LRRC28: variants seen among roughly 807,000 people sequenced by gnomAD.
LRRC28 encodes leucine rich repeat containing 28.
LRRC28 carries 39 observed loss-of-function variants against 45.7 expected under a neutral mutation model. The ratio of observed to expected loss-of-function variants is 0.85; its 90% CI spans 0.66 to 1.12. The LOEUF (loss-of-function observed/expected upper bound fraction) is 1.12. LRRC28 is among the 50% of genes most tolerant of loss of function. The pLI is 0.00. For synonymous variants in LRRC28, 206 were observed against 178.8 expected, an observed-to-expected ratio of 1.15 and a Z score of -1.22; for missense variants, 435 against 438.5, an observed-to-expected ratio of 0.99 and a Z score of 0.07.
intron 6 of LRRC28, among the ~76,000 whole-genome samples, chr15:99,338,650 A>G (rs1269761777): frequency 6.6e-6 from 1 of 152,216 alleles, no homozygotes. Context: ...TAATGAATTC[A>G]ATTTCTTGCC....
At chr15:99,310,686 C>T (rs530089720) in intron 5 of LRRC28, among the ~76,000 whole-genome samples, 51 of 152,118 alleles carry the variant, frequency 3.4e-4, no homozygotes, top group Non-Finnish European at 4.3e-4. Flanking sequence ...TGTAAGTAAG[C>T]GAAAGACATG....
chr15:99,373,994 A>G (rs1394923894), intron 9 of LRRC28, among the ~76,000 whole-genome samples: 1 of 152,206 alleles, frequency 6.6e-6, no homozygotes, highest in Non-Finnish European at 1.5e-5. Flanking sequence ...CTTAATTACT[A>G]TAGTTTAGAT....
chr15:99,340,464 A>G (rs1956471130), intron 6 of LRRC28, among the ~76,000 whole-genome samples: 1 of 152,274 alleles, frequency 6.6e-6, no homozygotes, highest in Admixed American at 6.5e-5. Context: ...AAGTCCACAC[A>G]GTAAAACTAT....
chr15:99,302,584 A>G (rs1419835937), intron 5 of LRRC28, among the ~76,000 whole-genome samples: 1 of 152,162 alleles, frequency 6.6e-6, no homozygotes, highest in East Asian at 1.9e-4. Context: ...AGTGCAATTT[A>G]TATGCCATAA....
chr15:99,318,659 T>C (rs1315388618), intron 5 of LRRC28, among the ~76,000 whole-genome samples: 2 of 152,102 alleles, frequency 1.3e-5, no homozygotes, highest in African/African-American at 4.8e-5. Context: ...AACCAATATA[T>C]GCCTATTCAG....
intron 2 of LRRC28, among the ~76,000 whole-genome samples, chr15:99,263,722 A>G (rs1336980563): frequency 1.3e-5 from 2 of 152,304 alleles, no homozygotes; most frequent in African/African-American, 2.4e-5. Context: ...ATAAGATCCT[A>G]TTTGTATGAC....
chr15:99,305,372 A>G (rs1032756603), intron 5 of LRRC28, among the ~76,000 whole-genome samples: 4 of 152,226 alleles, frequency 2.6e-5, no homozygotes, highest in African/African-American at 9.6e-5. Flanking sequence ...CTAAACTCTG[A>G]TATTTAAATA....
intron 7 of LRRC28, among the ~76,000 whole-genome samples, chr15:99,360,741 C>G (rs1483485624): frequency 6.6e-6 from 1 of 152,178 alleles, no homozygotes. Flanking sequence ...TTCGGTAACA[C>G]TGCAGCATTA....
At chr15:99,318,951 T>C (rs1955697003) in intron 5 of LRRC28, among the ~76,000 whole-genome samples, 1 of 152,106 alleles carries the variant, frequency 6.6e-6, no homozygotes, top group Admixed American at 6.5e-5. Flanking sequence ...GTGAATCAGT[T>C]TGGTAATCTG....
chr15:99,335,800 C>T (rs1956303265), intron 6 of LRRC28, among the ~76,000 whole-genome samples: 2 of 152,004 alleles, frequency 1.3e-5, no homozygotes, highest in Admixed American at 6.6e-5. Flanking sequence ...AAGTGATTGC[C>T]AGGATGTTGC....
chr15:99,260,945 A>G (rs183326662), intron 2 of LRRC28, among the ~76,000 whole-genome samples: 1 of 151,972 alleles, frequency 6.6e-6, no homozygotes, highest in East Asian at 1.9e-4. Flanking sequence ...GTTTCCTGTT[A>G]ACATTTTTGC....
At chr15:99,281,721 A>G (rs1401364391) in intron 3 of LRRC28, among the ~76,000 whole-genome samples, 5 of 152,080 alleles carry the variant, frequency 3.3e-5, no homozygotes, top group Admixed American at 6.5e-5. Flanking sequence ...GCATGCAGCT[A>G]TTTGCAGTTT....
At chr15:99,325,048 C>T (rs1955926522) in intron 5 of LRRC28, among the ~76,000 whole-genome samples, 1 of 152,146 alleles carries the variant, frequency 6.6e-6, no homozygotes, top group Admixed American at 6.5e-5. Flanking sequence ...CCAGTGTTGT[C>T]TTCAAATCTA....
intron 2 of LRRC28, among the ~76,000 whole-genome samples, chr15:99,266,485 T>A (rs1320566251): frequency 4.0e-5 from 6 of 151,674 alleles, no homozygotes. Context: ...AAAAAAAAAA[T>A]TAACACCTAG....
intron 6 of LRRC28, among the ~76,000 whole-genome samples, chr15:99,334,670 C>T (rs1417770577): frequency 2.6e-5 from 4 of 152,072 alleles, no homozygotes; most frequent in African/African-American, 7.3e-5. Flanking sequence ...CTGTAGCTGA[C>T]CCATTTTGAC....
rs1434535746 is a variant in LRRC28, at chr15:99,387,849, T to C, written c.*1747T>C. The stretch of plus-strand genomic sequence containing the variant: ...CTGCCCTGACTTTATAATGCTACGC[T>C]CTTAACAGTGCCAAAAATCCTACAT... On this transcript the variant is annotated 3_prime_UTR_variant, in exon 10 of 10. Coordinates refer to ENST00000301981, the MANE Select transcript of LRRC28 (RefSeq NM_144598.5). 6 of 152,228 alleles carry C rather than the reference T, an allele frequency of 3.9e-5. No homozygotes were observed. The allele number at this position is 152,228 out of a possible 1,614,324, so 9.4% of individuals were successfully genotyped here.
At chr15:99,329,482 T>G (rs1229372494) in intron 5 of LRRC28, among the ~76,000 whole-genome samples, 1 of 152,246 alleles carries the variant, frequency 6.6e-6, no homozygotes, top group African/African-American at 2.4e-5. Flanking sequence ...TCGCATAATT[T>G]CCAACACTGG....
intron 9 of LRRC28, among the ~76,000 whole-genome samples, chr15:99,380,937 C>T (rs543551145): frequency 6.6e-6 from 1 of 152,270 alleles, no homozygotes; most frequent in East Asian, 1.9e-4. Context: ...GTGGGTAACC[C>T]GACCTTTCTA....
intron 2 of LRRC28, among the ~76,000 whole-genome samples, chr15:99,263,052 A>G (rs530222862): frequency 6.6e-6 from 1 of 151,830 alleles, no homozygotes; most frequent in Admixed American, 6.6e-5. Flanking sequence ...GCTCATGCCT[A>G]TAATCCTAGC....
Sources: gnomAD v4.1 joint callset for allele counts (sites outside exome capture counted in the v4.1 genomes callset) on GRCh38, gnomAD v4.1.1 for gene constraint, MANE v1.5 for transcripts, NCBI Gene and HGNC (gene_info 2026-07-23, HGNC 2026-07-21) for gene names.